Variants in AKAP13 observed in about 807,000 individuals in gnomAD.
The protein encoded by AKAP13 is A-kinase anchoring protein 13.
Under a neutral mutation model 264.5 loss-of-function variants are expected in AKAP13, and 80 were observed. The ratio of observed to expected loss-of-function variants is 0.30; its 90% CI spans 0.25 to 0.36. The LOEUF is 0.36. AKAP13 is among the 10% of genes least tolerant of loss of function. AKAP13 has a pLI of 1.00. For synonymous variants in AKAP13, 1,380 were observed against 1,250.2 expected, an observed-to-expected ratio of 1.10 and a Z score of -2.19; for missense variants, 3,712 against 3,435.2, an observed-to-expected ratio of 1.08 and a Z score of -2.01.
chr15:85,444,014 C>A (rs1197421459), intron 1 of AKAP13, among the ~76,000 whole-genome samples: 1 of 152,120 alleles, frequency 6.6e-6, no homozygotes, highest in African/African-American at 2.4e-5. Flanking sequence ...GGCCTTTCCC[C>A]TGATTGACAT....
chr15:85,716,277 A>G (rs2086936724), intron 20 of AKAP13, among the ~76,000 whole-genome samples: 1 of 152,196 alleles, frequency 6.6e-6, no homozygotes, highest in South Asian at 2.1e-4. Context: ...AACCACTTAC[A>G]GATGTCATGC....
chr15:85,741,826 CTT>C (rs1284192083), intron 35 of AKAP13, among the ~76,000 whole-genome samples: 2 of 152,004 alleles, frequency 1.3e-5, no homozygotes, highest in Non-Finnish European at 2.9e-5. Flanking sequence ...AGGTGGATCT[CTT>C]GAGGCCAGGA....
At chr15:85,403,201 GAA>G (rs1050449861) in intron 1 of AKAP13, among the ~76,000 whole-genome samples, 1 of 152,104 alleles carries the variant, frequency 6.6e-6, no homozygotes, top group African/African-American at 2.4e-5. Flanking sequence ...TAATAGATAT[GAA>G]AAAAATCTAA....
At position 85,578,841 on chromosome 15, in the gene AKAP13, G is replaced by A. The variant is rs569161509; in HGVS notation, c.862-89G>A. 4.8e-6 allele frequency: 6 copies of A among 1,249,902 alleles called. No individual in the cohort carries two copies. The African/African-American group carries it at 7.5e-5, about 16-fold the overall frequency. 77.4% of individuals were successfully genotyped at this position (1,249,902 alleles called of 1,614,324 possible). On this transcript the variant is annotated intron_variant, in intron 6 of 36. Coordinates refer to ENST00000394518, the MANE Select transcript of AKAP13 (RefSeq NM_007200.5). ...CTTAGAAGAGCTAGAATAGAAGTGA[G>A]TTCTGTCCAACAGAATTTTTGCTCA...
At chr15:85,618,552 C>T (rs1361206171) in intron 8 of AKAP13, among the ~76,000 whole-genome samples, 2 of 151,938 alleles carry the variant, frequency 1.3e-5, no homozygotes, top group East Asian at 3.8e-4. Context: ...CATTCATGAT[C>T]CAAGTAAGAG....
intron 1 of AKAP13, among the ~76,000 whole-genome samples, chr15:85,463,082 A>C (rs1406271943): frequency 1.3e-5 from 2 of 151,910 alleles, no homozygotes; most frequent in African/African-American, 4.8e-5. Flanking sequence ...ATAGCAAAAC[A>C]GAGATGACAG....
At chr15:85,511,058 A>AT (rs1168239816) in intron 2 of AKAP13, among the ~76,000 whole-genome samples, 1 of 152,228 alleles carries the variant, frequency 6.6e-6, no homozygotes, top group African/African-American at 2.4e-5. Flanking sequence ...AGAGAAAAAA[A>AT]AAATTTCTGA....
chr15:85,702,544 G>A (rs1287108430), intron 17 of AKAP13: 1 of 152,162 alleles, frequency 6.6e-6, no homozygotes, highest in African/African-American at 2.4e-5. Context: ...TACCTCCTAG[G>A]AAACCTTTGT....
intron 1 of AKAP13, among the ~76,000 whole-genome samples, chr15:85,430,189 C>T (rs1216669117): frequency 6.6e-6 from 1 of 152,194 alleles, no homozygotes; most frequent in Admixed American, 6.5e-5. Flanking sequence ...TTTGGAGGCA[C>T]ACTGAGGTAA....
chr15:85,450,329 G>GTT (rs2074041093), intron 1 of AKAP13, among the ~76,000 whole-genome samples: 1 of 150,192 alleles, frequency 6.7e-6, no homozygotes, highest in Non-Finnish European at 1.5e-5. Context: ...TTAGTTTAGC[G>GTT]ATCTTTTGAA....
chr15:85,575,228 A>G lies in AKAP13; in HGVS notation c.760A>G (p.Thr254Ala). 6.2e-7 allele frequency: 1 copy of G among 1,614,170 alleles called. No homozygotes were observed. Among genetic ancestry groups the G allele is most frequent in the South Asian group, 1.1e-5 (1 of 91,084 alleles). ...GCATCATCGAGAGTTGGACATCTATACATTAACCTCTGAGTCTGATTCACA... is the reference window on the plus strand; with the variant it reads ...GCATCATCGAGAGTTGGACATCTATGCATTAACCTCTGAGTCTGATTCACA... Reference protein sequence around the residue: ...VRHHRELDIYTLTSESDSHHE... With the variant: ...VRHHRELDIYALTSESDSHHE... The change falls in exon 6 of 37, where the codon ACA becomes GCA. Residue 254 changes from threonine to alanine, a missense_variant. Physicochemically the swap from Thr to Ala is moderately conservative, Grantham distance 58. Transcript: ENST00000394518.
chr15:85,620,276 G>A (rs1422473466), intron 8 of AKAP13: 13 of 1,094,508 alleles, frequency 1.2e-5, no homozygotes, highest in African/African-American at 3.1e-5. Context: ...GAGAAAGGCC[G>A]AGAAATCTGT....
chr15:85,655,374 G>C, intron 10 of AKAP13, 43 bp from the exon 11 acceptor site: 1 of 1,578,568 alleles, frequency 6.3e-7, no homozygotes, highest in Non-Finnish European at 8.6e-7. Flanking sequence ...CTATCTGATT[G>C]GCCCTGCTGG....
At chr15:85,464,246 T>C (rs2074639769) in intron 1 of AKAP13, among the ~76,000 whole-genome samples, 1 of 152,218 alleles carries the variant, frequency 6.6e-6, no homozygotes, top group Non-Finnish European at 1.5e-5. Context: ...TTGTGTGTGC[T>C]CTAGTATGTG....
At chr15:85,448,068 G>A (rs1217311364) in intron 1 of AKAP13, among the ~76,000 whole-genome samples, 3 of 151,978 alleles carry the variant, frequency 2.0e-5, no homozygotes, top group East Asian at 1.9e-4. Flanking sequence ...GCCATTCTGA[G>A]TTGTGTGAGT....
chr15:85,411,539 G>A (rs1294492549), intron 1 of AKAP13, among the ~76,000 whole-genome samples: 1 of 152,056 alleles, frequency 6.6e-6, no homozygotes, highest in Non-Finnish European at 1.5e-5. Flanking sequence ...CCGGGTTCAC[G>A]CCATTCTCCT....
rs200177994 is a variant in AKAP13, at chr15:85,579,386, A to C, written c.1318A>C (p.Ser440Arg). ...SGMPTDQESL[S>R]SGDAVLQRDL... ...AATGCCCACAGACCAGGAGTCCCTG[A>C]GCAGTGGAGATGCTGTGCTTCAGAG... Residue 440 changes from serine (S) to arginine (R), a missense_variant, in exon 7 of 37, where the codon AGC (serine) becomes CGC (arginine). Coordinates refer to ENST00000394518, the MANE Select transcript of AKAP13 (RefSeq NM_007200.5). 11 of 1,614,154 alleles carry C rather than the reference A, an allele frequency of 6.8e-6. No individual in the cohort carries two copies. The highest frequency in any genetic ancestry group is 1.6e-4 in the Middle Eastern group (1 of 6,062).
intron 8 of AKAP13, among the ~76,000 whole-genome samples, chr15:85,632,696 T>C (rs1488254301): frequency 6.6e-6 from 1 of 152,226 alleles, no homozygotes; most frequent in Non-Finnish European, 1.5e-5. Flanking sequence ...TTATTGTATA[T>C]AATTTTGTAA....
chr15:85,394,438 C>A (rs1399201391), intron 1 of AKAP13, among the ~76,000 whole-genome samples: 1 of 152,182 alleles, frequency 6.6e-6, no homozygotes, highest in African/African-American at 2.4e-5. Context: ...CTTGATTCAT[C>A]CCTTTGAGCA....
Sources: gnomAD v4.1 joint callset for allele counts (sites outside exome capture counted in the v4.1 genomes callset) on GRCh38, gnomAD v4.1.1 for gene constraint, MANE v1.5 for transcripts, NCBI Gene and HGNC (gene_info 2026-07-23, HGNC 2026-07-21) for gene names.